The following SNX3 variants were observed in gnomAD, a reference collection of about 807,000 sequenced individuals.
SNX3 encodes the protein sorting nexin 3.
In SNX3, 5 loss-of-function variants were observed where a neutral mutation model predicts 17.7. The observed-to-expected ratio is 0.28, with a 90% CI of 0.15 to 0.59. SNX3 has a LOEUF of 0.59. Ranked by LOEUF, SNX3 falls within the 20% of genes least tolerant of loss-of-function variation. The probability of loss-of-function intolerance (pLI) is 0.88; values close to 1 mark genes in which losing one functional copy is unlikely to be tolerated. For missense variants in SNX3, 132 were observed against 206.8 expected, an observed-to-expected ratio of 0.64 and a Z score of 2.22; for synonymous variants, 91 against 76.5, an observed-to-expected ratio of 1.19 and a Z score of -0.99.
At chr6:108,224,118 T>C (rs1414459666) in intron 1 of SNX3, among the ~76,000 whole-genome samples, 1 of 152,146 alleles carries the variant, frequency 6.6e-6, no homozygotes, top group Non-Finnish European at 1.5e-5. Flanking sequence ...CCTATCACAC[T>C]GCCCGTTGAT....
Position 108,236,238 on chromosome 6 carries a change from C to T in SNX3, c.163-13193G>A, listed in dbSNP as rs548379590. 5.9e-4 allele frequency among the ~76,000 whole-genome samples: 89 copies of T among 151,854 alleles called. 1 individual carries two copies. The South Asian group carries it at 8.1e-3, about 14-fold the overall frequency. On this transcript the variant is annotated intron_variant, in intron 1 of 3. Coordinates refer to ENST00000230085, the MANE Select transcript of SNX3 (RefSeq NM_003795.6). The stretch of plus-strand genomic sequence containing the variant: ...ATGGTTCGTGCCTGTAATCCCAGGA[C>T]TTTGGGAGGCTGAAGCAGGATGATT...
At position 108,211,429 on chromosome 6, in the gene SNX3, T is replaced by C. The variant is rs1347634187; in HGVS notation, c.*720A>G. On this transcript the variant is annotated 3_prime_UTR_variant, in exon 4 of 4. Coordinates refer to ENST00000230085, the MANE Select transcript of SNX3 (RefSeq NM_003795.6). ...AATGGAGTTACAGGAATGAGAAGTA[T>C]ATAATTAGTAAATAATCCCTCTCAA... 1 of 152,318 alleles carries C rather than the reference T, an allele frequency of 6.6e-6. No homozygotes were observed. The highest frequency in any genetic ancestry group is 1.9e-4 in the East Asian group (1 of 5,198). 9.4% of individuals were successfully genotyped at this position (152,318 alleles called of 1,614,324 possible).
chr6:108,253,056 G>A (rs1276502890), intron 1 of SNX3, among the ~76,000 whole-genome samples: 4 of 152,042 alleles, frequency 2.6e-5, no homozygotes, highest in African/African-American at 9.7e-5. Flanking sequence ...AGCATAACAT[G>A]GTACAAACAT....
At chr6:108,223,970 C>G (rs539831541) in intron 1 of SNX3, among the ~76,000 whole-genome samples, 1 of 152,102 alleles carries the variant, frequency 6.6e-6, no homozygotes, top group Non-Finnish European at 1.5e-5. Context: ...AAAAGGCTAG[C>G]TCTTGACTAT....
At chr6:108,217,524 G>C (rs1007636842) in intron 2 of SNX3, among the ~76,000 whole-genome samples, 1 of 152,126 alleles carries the variant, frequency 6.6e-6, no homozygotes, top group Non-Finnish European at 1.5e-5. Context: ...GGAGGCCAAG[G>C]TGGGTGGATC....
At position 108,211,353 on chromosome 6, in the gene SNX3, T is replaced by C. The variant is rs1774400630; in HGVS notation, c.*796A>G. On this transcript the variant is annotated 3_prime_UTR_variant, in exon 4 of 4. Coordinates refer to ENST00000230085, the MANE Select transcript of SNX3 (RefSeq NM_003795.6). ...ATATCACTTTTGTTGTTGTTAAAAA[T>C]ACCCCATTCAATGGATGGAAGTATA... 1.3e-5 allele frequency: 2 copies of C among 152,226 alleles called. No individual in the cohort carries two copies. Among genetic ancestry groups the C allele is most frequent in the South Asian group, 2.1e-4 (1 of 4,832 alleles). The allele number at this position is 152,226 out of a possible 1,614,324, so 9.4% of individuals were successfully genotyped here.
chr6:108,222,091 A>C (rs1387208268), intron 2 of SNX3: 2 of 591,728 alleles, frequency 3.4e-6, no homozygotes, highest in Non-Finnish European at 5.0e-6. Context: ...TATGATCTGC[A>C]TATTTTGTGC....
At chr6:108,222,760 AG>A (rs541141092) in intron 2 of SNX3, among the ~76,000 whole-genome samples, 189 bp downstream of exon 2, 114 of 152,344 alleles carry the variant, frequency 7.5e-4, no homozygotes, top group African/African-American at 2.6e-3. Context: ...ACTGGGCCAA[AG>A]CAGACAAGAG....
Position 108,260,851 on chromosome 6 carries a change from G to A in SNX3, c.71C>T (p.Pro24Leu). The A allele has an allele frequency of 6.2e-7, 1 of 1,613,330 alleles. No homozygotes were observed. The highest frequency in any genetic ancestry group is 8.5e-7 in the Non-Finnish European group (1 of 1,179,574). Residue 24 changes from proline (P) to leucine (L), a missense_variant, in exon 1 of 4, where the codon CCC becomes CTC. This residue lies in a region of SNX3 where 78 missense variants were observed against 88.8 expected (regional missense o/e 0.88). Transcript: ENST00000230085. Reference sequence around the variant, plus strand: ...ATCGATCTCGAGGAAGTTGCTGGGGGGTCCGTAGGCGTCATTCAGGTTCTG... The same window carrying A: ...ATCGATCTCGAGGAAGTTGCTGGGGAGTCCGTAGGCGTCATTCAGGTTCTG... ...KPQNLNDAYG[P>L]PSNFLEIDVS...
intron 3 of SNX3, among the ~76,000 whole-genome samples, chr6:108,212,817 T>C (rs1238546348): frequency 6.6e-6 from 1 of 152,084 alleles, no homozygotes; most frequent in African/African-American, 2.4e-5. Context: ...ATAGCTGGTG[T>C]ATTCATAAGA....
At chr6:108,241,900 C>T (rs1775533387) in intron 1 of SNX3, among the ~76,000 whole-genome samples, 1 of 152,112 alleles carries the variant, frequency 6.6e-6, no homozygotes, top group Non-Finnish European at 1.5e-5. Flanking sequence ...TTCCAAGCAG[C>T]TATCAATATG....
intron 2 of SNX3, among the ~76,000 whole-genome samples, chr6:108,221,184 C>T (rs1774758516): frequency 6.6e-6 from 1 of 152,064 alleles, no homozygotes; most frequent in Admixed American, 6.5e-5. Flanking sequence ...CAGGTCTCTG[C>T]TAATGTCACC....
At chr6:108,246,155 T>C (rs1775681663) in intron 1 of SNX3, among the ~76,000 whole-genome samples, 1 of 152,064 alleles carries the variant, frequency 6.6e-6, no homozygotes, top group Non-Finnish European at 1.5e-5. Flanking sequence ...GCTTTCTACA[T>C]ATGGCTAGCC....
intron 2 of SNX3, among the ~76,000 whole-genome samples, chr6:108,217,202 T>C (rs1363650206): frequency 6.6e-6 from 1 of 151,346 alleles, no homozygotes; most frequent in Non-Finnish European, 1.5e-5. Context: ...AGGAAAATGA[T>C]AAAAAATGTA....
chr6:108,213,803 G>C (rs1774479945), intron 3 of SNX3, among the ~76,000 whole-genome samples: 1 of 152,062 alleles, frequency 6.6e-6, no homozygotes, highest in South Asian at 2.1e-4. Context: ...CAAATCACTA[G>C]ATAAAATTTA....
At chr6:108,221,501 A>G (rs1011081158) in intron 2 of SNX3, among the ~76,000 whole-genome samples, 16 of 150,396 alleles carry the variant, frequency 1.1e-4, no homozygotes. Context: ...CCAAACGAGG[A>G]ATACAGTATT....
rs111789944 is a variant in SNX3, at chr6:108,226,309, C to G, written c.163-3264G>C. On this transcript the variant is annotated intron_variant, in intron 1 of 3. Transcript: ENST00000230085. ...GGCTGGTCTTGAACTCCTGAGTACA[C>G]GCAATCCATCTGTATTGGACTCCCA... is the stretch of plus-strand genomic sequence containing the variant. 2.1e-3 allele frequency among the ~76,000 whole-genome samples: 321 copies of G among 152,182 alleles called. 4 individuals are homozygous for G. Among genetic ancestry groups the G allele is most frequent in the African/African-American group, 7.1e-3 (296 of 41,504 alleles).
intron 1 of SNX3, among the ~76,000 whole-genome samples, chr6:108,226,219 C>T (rs1167452892): frequency 1.3e-5 from 2 of 152,042 alleles, no homozygotes; most frequent in African/African-American, 4.8e-5. Flanking sequence ...AGACTATAGG[C>T]GCATGCCATC....
chr6:108,227,665 CTTTAGAG>C (rs750496665), intron 1 of SNX3, among the ~76,000 whole-genome samples: 3 of 152,156 alleles, frequency 2.0e-5, no homozygotes, highest in African/African-American at 7.2e-5. Flanking sequence ...ATGAGGACTG[CTTTAGAG>C]TTTAAAGTCA....
Sources: gnomAD v4.1 joint callset for allele counts (sites outside exome capture counted in the v4.1 genomes callset) on GRCh38, gnomAD v4.1.1 for gene constraint, gnomAD v4.1.1 regional missense constraint, MANE v1.5 for transcripts, NCBI Gene and HGNC (gene_info 2026-07-23, HGNC 2026-07-21) for gene names.